The following ZFHX3 variants were observed in gnomAD, a reference collection of about 807,000 sequenced individuals.
The protein encoded by ZFHX3 is zinc finger homeobox protein 3.
A neutral mutation model predicts 279.1 loss-of-function variants in ZFHX3; 42 were observed. The observed-to-expected ratio is 0.15, with a 90% CI of 0.12 to 0.19. ZFHX3 has a LOEUF of 0.19. Among genes scored for constraint, ZFHX3 ranks in the 10% least tolerant of loss-of-function variants. The probability of loss-of-function intolerance (pLI) is 1.00; values close to 1 mark genes in which losing one functional copy is unlikely to be tolerated. For synonymous variants in ZFHX3, 2,293 were observed against 1,957.8 expected (o/e 1.17, Z -4.52); for missense variants, 4,981 against 4,754.0 (o/e 1.05, Z -1.40).
chr16:73,046,127 A>C (rs1216551115), intron 1 of ZFHX3, among the ~76,000 whole-genome samples: 1 of 152,186 alleles, frequency 6.6e-6, no homozygotes, highest in Non-Finnish European at 1.5e-5. Context: ...ACTCTCTGAA[A>C]GGGTGCCTGC....
chr16:73,006,952 G>A (rs755113657), intron 1 of ZFHX3, among the ~76,000 whole-genome samples: 74 of 152,188 alleles, frequency 4.9e-4, no homozygotes, highest in Non-Finnish European at 9.0e-4. Context: ...AGGCTGTCGA[G>A]TCCACAGGTC....
chr16:73,192,232 A>G (rs1782809852), intron 5 of ZFHX3, among the ~76,000 whole-genome samples: 1 of 152,040 alleles, frequency 6.6e-6, no homozygotes, highest in Admixed American at 6.6e-5. Context: ...GCCGTTGCAA[A>G]GCCCTCCCTG....
intron 3 of ZFHX3, among the ~76,000 whole-genome samples, chr16:72,934,607 C>T (rs1353047466): frequency 3.3e-5 from 5 of 152,128 alleles, no homozygotes; most frequent in South Asian, 4.1e-4. Context: ...TCCAGCTTGC[C>T]CCTCCCTCCC....
At chr16:72,928,204 G>A (rs561073176) in intron 3 of ZFHX3, among the ~76,000 whole-genome samples, 1 of 125,452 alleles carries the variant, frequency 8.0e-6, no homozygotes, top group Non-Finnish European at 1.7e-5. Context: ...AGGGGAGCGA[G>A]GGGGAGCGAA....
intron 2 of ZFHX3, among the ~76,000 whole-genome samples, chr16:73,571,476 T>A (rs1197322646): frequency 1.5e-4 from 23 of 152,148 alleles, no homozygotes; most frequent in Admixed American, 1.4e-3. Context: ...TCTCTCTGGG[T>A]CCTTTGGCTG....
intron 3 of ZFHX3, among the ~76,000 whole-genome samples, chr16:72,900,307 T>C (rs1164964307): frequency 6.6e-6 from 1 of 152,172 alleles, no homozygotes; most frequent in Non-Finnish European, 1.5e-5. Flanking sequence ...ACTTCCCCGA[T>C]TCTCCAAATC....
intron 1 of ZFHX3, among the ~76,000 whole-genome samples, chr16:73,018,066 G>A: frequency 6.6e-6 from 1 of 150,976 alleles, no homozygotes; most frequent in East Asian, 2.0e-4. Flanking sequence ...GCTCACTGCA[G>A]CCTCAATTTC....
At chr16:72,947,853 C>T (rs971800298) in intron 3 of ZFHX3, among the ~76,000 whole-genome samples, 13 of 152,142 alleles carry the variant, frequency 8.5e-5, no homozygotes, top group African/African-American at 1.2e-4. Context: ...ACTGATTATG[C>T]ATGTGCCGGG....
At chr16:73,270,571 T>G (rs570020766) in intron 4 of ZFHX3, among the ~76,000 whole-genome samples, 1 of 152,300 alleles carries the variant, frequency 6.6e-6, no homozygotes, top group African/African-American at 2.4e-5. Context: ...TTGTTCCCAG[T>G]GGACATGACT....
chr16:73,615,778 T>A (rs1597029268), intron 2 of ZFHX3, among the ~76,000 whole-genome samples: 1 of 152,138 alleles, frequency 6.6e-6, no homozygotes, highest in African/African-American at 2.4e-5. Context: ...GAACAGGGAC[T>A]GACACTCGCA....
At position 73,495,042 on chromosome 16, in the gene ZFHX3, C is replaced by A. The variant is rs527280274; in HGVS notation, c.-1546-38784G>T. Among the ~76,000 whole-genome samples, 10 of 152,318 alleles carry A rather than the reference C, an allele frequency of 6.6e-5. 1 individual carries two copies. On this transcript the variant is annotated intron_variant, in intron 2 of 17. Transcript: ENST00000641206. ...CCTGGCAGGGGAGGAAACAGCATAA[C>A]AGGGAATTTATTTAGTGTGTGTCTG... is the stretch of plus-strand genomic sequence containing the variant.
At chr16:72,835,673 G>A (rs2037174603) in intron 4 of ZFHX3, among the ~76,000 whole-genome samples, 1 of 152,064 alleles carries the variant, frequency 6.6e-6, no homozygotes, top group Admixed American at 6.5e-5. Flanking sequence ...GCAGCTACAA[G>A]TGGCGTTTGC....
Position 73,004,159 on chromosome 16 carries a change from C to CTTTTTTTTTTTTTTTTTTTTTT in ZFHX3, c.-50+43571_-50+43592dup, listed in dbSNP as rs3081625. On this transcript the variant is annotated intron_variant, in intron 1 of 9. Coordinates refer to ENST00000268489, the MANE Select transcript of ZFHX3 (RefSeq NM_006885.4). ...CAATAATAACTACATAAAAACACGA[C>CTTTTTTTTTTTTTTTTTTTTTT]TTTTTTTTTTTTTTTTTTTTTTTTT... is the stretch of plus-strand genomic sequence containing the variant. Among the ~76,000 whole-genome samples, 4 of 49,370 alleles carry CTTTTTTTTTTTTTTTTTTTTTT rather than the reference C, an allele frequency of 8.1e-5. 1 individual carries two copies. Among genetic ancestry groups the CTTTTTTTTTTTTTTTTTTTTTT allele is most frequent in the Non-Finnish European group, 1.3e-4 (4 of 30,708 alleles). The allele number at this position is 49,370 out of a possible 152,430, so 32.4% of individuals were successfully genotyped here. A position where few individuals can be genotyped will look rare whatever the true frequency, so the allele number is the denominator to read the frequency against.
chr16:73,258,121 T>C (rs932065727), intron 4 of ZFHX3, among the ~76,000 whole-genome samples: 3 of 152,136 alleles, frequency 2.0e-5, no homozygotes, highest in Non-Finnish European at 4.4e-5. Flanking sequence ...TTTAGGGGCA[T>C]TGTGCCAGGG....
chr16:73,365,330 T>C (rs1487060957), intron 3 of ZFHX3, among the ~76,000 whole-genome samples: 7 of 152,234 alleles, frequency 4.6e-5, no homozygotes, highest in Admixed American at 4.6e-4. Flanking sequence ...CCCACACCTC[T>C]GAGCTATCGG....
chr16:73,747,807 CAT>C (rs569977403), intron 1 of ZFHX3, among the ~76,000 whole-genome samples: 87 of 152,308 alleles, frequency 5.7e-4, no homozygotes, highest in Middle Eastern at 3.4e-3. Context: ...CGCACACACA[CAT>C]GTCCCATAGT....
chr16:73,618,918 G>C (rs528826617), intron 2 of ZFHX3, among the ~76,000 whole-genome samples: 5 of 152,320 alleles, frequency 3.3e-5, no homozygotes, highest in Non-Finnish European at 7.3e-5. Flanking sequence ...CATGAGATGT[G>C]ATGGGACCAT....
chr16:72,996,380 C>A lies in ZFHX3; in HGVS notation c.-49-36186G>T, dbSNP rs9935935. On this transcript the variant is annotated intron_variant, in intron 1 of 9. Coordinates refer to ENST00000268489, the MANE Select transcript of ZFHX3 (RefSeq NM_006885.4). ...ATGGACAATGATCAGTCCAACTAAG[C>A]ATGATTTTCTTATCAGCAGAGACTG... 3.6e-3 allele frequency among the ~76,000 whole-genome samples: 547 copies of A among 152,326 alleles called. 3 individuals are homozygous for A. Among genetic ancestry groups the A allele is most frequent in the African/African-American group, 0.012 (517 of 41,570 alleles).
intron 2 of ZFHX3, among the ~76,000 whole-genome samples, chr16:73,556,541 C>G (rs1028426247): frequency 2.0e-5 from 3 of 152,088 alleles, no homozygotes; most frequent in Admixed American, 6.5e-5. Flanking sequence ...GAGCTCTGGA[C>G]GGCACCAAAG....
Sources: allele counts gnomAD v4.1 joint callset (sites outside exome capture counted in the v4.1 genomes callset), GRCh38; gene constraint gnomAD v4.1.1; transcripts MANE v1.5; gene names NCBI Gene and HGNC (gene_info 2026-07-23, HGNC 2026-07-21).